TNKS: variants seen among roughly 807,000 people sequenced by gnomAD.
TNKS encodes the protein tankyrase, also known as poly [ADP-ribose] polymerase tankyrase-1.
TNKS carries 72 observed loss-of-function variants against 135.8 expected under a neutral mutation model. That is an observed-to-expected ratio of 0.53 (90% CI 0.44 to 0.64). The LOEUF is 0.64. Ranked by LOEUF, TNKS falls within the 30% of genes least tolerant of loss-of-function variation. The probability of loss-of-function intolerance (pLI) is 0.00; values close to 1 mark genes in which losing one functional copy is unlikely to be tolerated. For missense variants in TNKS, 1,769 were observed against 1,674.0 expected (o/e 1.06, Z -0.99); for synonymous variants, 849 against 649.3 (o/e 1.31, Z -4.68).
intron 1 of TNKS, among the ~76,000 whole-genome samples, chr8:9,574,052 A>G (rs1797855028): frequency 1.3e-5 from 2 of 152,214 alleles, no homozygotes; most frequent in African/African-American, 2.4e-5. Context: ...ACTCTTTGCT[A>G]TTAGAATAAG....
intron 3 of TNKS, among the ~76,000 whole-genome samples, chr8:9,669,424 CAAAA>C (rs536063027): frequency 4.2e-5 from 4 of 94,868 alleles, no homozygotes; most frequent in Non-Finnish European, 4.3e-5. Context: ...GACTCCGCCT[CAAAA>C]AAAAAAAAAA....
rs1807738055 is a variant in TNKS, at chr8:9,770,176, G to GCGC, written c.3813_3815dup (p.Pro1273dup). On this transcript the variant is annotated inframe_insertion, in exon 26 of 27. Transcript: ENST00000310430. The stretch of plus-strand genomic sequence containing the variant: ...GTTTAGCACCATGAAAATGGCCCAC[G>GCGC]CGCCTCCAGGGCACCACTCAGTCAT... 2 of 1,613,234 alleles carry GCGC rather than the reference G, an allele frequency of 1.2e-6. No homozygotes were observed.
chr8:9,582,879 A>G (rs1019242150), intron 2 of TNKS, among the ~76,000 whole-genome samples: 1 of 152,134 alleles, frequency 6.6e-6, no homozygotes, highest in African/African-American at 2.4e-5. Context: ...AAAAATGTCC[A>G]TTTAGGGGCA....
intron 1 of TNKS, among the ~76,000 whole-genome samples, chr8:9,576,854 C>T (rs1381393676): frequency 1.3e-5 from 2 of 152,060 alleles, no homozygotes; most frequent in East Asian, 3.9e-4. Context: ...ATTCTAATCA[C>T]ATAGAATATG....
chr8:9,768,603 C>T (rs748213429), intron 25 of TNKS, among the ~76,000 whole-genome samples: 4 of 152,236 alleles, frequency 2.6e-5, no homozygotes, highest in Non-Finnish European at 5.9e-5. Context: ...GCTGGCTGAG[C>T]AGGTCCCACG....
intron 11 of TNKS, among the ~76,000 whole-genome samples, chr8:9,715,871 A>C (rs1214178981): frequency 6.6e-6 from 1 of 152,104 alleles, no homozygotes; most frequent in Admixed American, 6.6e-5. Context: ...AGACATGAAG[A>C]CTTTATCCTT....
intron 17 of TNKS, among the ~76,000 whole-genome samples, chr8:9,747,266 C>T (rs897000595): frequency 7.0e-6 from 1 of 142,666 alleles, no homozygotes; most frequent in Admixed American, 7.0e-5. Context: ...CCTTCCCCCC[C>T]TCAAAAAAAT....
Position 9,606,213 on chromosome 8 carries a change from G to A in TNKS, c.899-9369G>A, listed in dbSNP as rs181468403. ...TTGTTTCAGCATGATTTGTTGAATAGGCTATTTTTCCACCGTTGAATTACT... is the reference window on the plus strand; with the variant it reads ...TTGTTTCAGCATGATTTGTTGAATAAGCTATTTTTCCACCGTTGAATTACT... On this transcript the variant is annotated intron_variant, in intron 2 of 26. Transcript: ENST00000310430. 3.7e-3 allele frequency among the ~76,000 whole-genome samples: 540 copies of A among 146,878 alleles called. 3 individuals carry two copies. The highest frequency in any genetic ancestry group is 8.8e-3 in the Admixed American group (129 of 14,698).
At chr8:9,735,590 G>C in intron 17 of TNKS, 104 bp downstream of exon 17, 1 of 844,760 alleles carries the variant, frequency 1.2e-6, no homozygotes, top group Non-Finnish European at 2.0e-6. Context: ...CACGAGGTCA[G>C]GAGGTCGAGA....
At chr8:9,756,551 A>T (rs1157344399) in intron 20 of TNKS, among the ~76,000 whole-genome samples, 1 of 152,118 alleles carries the variant, frequency 6.6e-6, no homozygotes, top group Non-Finnish European at 1.5e-5. Flanking sequence ...AGTTAATTTA[A>T]ATATGATTTT....
chr8:9,556,076 C>T lies in TNKS; in HGVS notation c.137C>T (p.Ala46Val). 1.2e-6 allele frequency: 2 copies of T among 1,606,348 alleles called. No homozygotes were observed. The highest frequency in any genetic ancestry group is 1.7e-6 in the Non-Finnish European group (2 of 1,177,064). The change falls in exon 1 of 27, where the codon GCC (alanine) becomes GTC (valine). Residue 46 changes from alanine to valine, a missense_variant. Coordinates refer to ENST00000310430, the MANE Select transcript of TNKS (RefSeq NM_003747.3). ...GGCCTGGCCCCGGGGACCACCCCAG[C>T]CTCTCCCACGGCCAGCGGCCTGGCC... ...SPGLAPGTTP[A>V]SPTASGLAPF...
intron 3 of TNKS, among the ~76,000 whole-genome samples, chr8:9,678,389 T>G (rs562914024): frequency 1.3e-5 from 2 of 152,162 alleles, no homozygotes; most frequent in Non-Finnish European, 2.9e-5. Flanking sequence ...GAGGATATAA[T>G]GAAATGACCT....
intron 5 of TNKS, among the ~76,000 whole-genome samples, chr8:9,693,098 A>T (rs951619782): frequency 6.6e-6 from 1 of 152,218 alleles, no homozygotes; most frequent in African/African-American, 2.4e-5. Flanking sequence ...TGGCTAATGT[A>T]ATATTTTATT....
Position 9,660,798 on chromosome 8 carries a change from T to C in TNKS, c.995-19153T>C, listed in dbSNP as rs577062748. Among the ~76,000 whole-genome samples the C allele has an allele frequency of 1.9e-4, 29 of 152,274 alleles. No homozygotes were observed. In the East Asian group the frequency reaches 5.6e-3, roughly 29 times the overall value. On this transcript the variant is annotated intron_variant, in intron 3 of 26. Coordinates refer to ENST00000310430, the MANE Select transcript of TNKS (RefSeq NM_003747.3). Reference sequence around the variant, plus strand: ...GTTAGGAAAAGAGGAAGTCAGATTGTCCCTGTTTGCAGATGACATGATTGT... The same window carrying C: ...GTTAGGAAAAGAGGAAGTCAGATTGCCCCTGTTTGCAGATGACATGATTGT...
intron 3 of TNKS, among the ~76,000 whole-genome samples, chr8:9,678,020 T>A (rs1385030915): frequency 6.6e-6 from 1 of 152,194 alleles, no homozygotes; most frequent in Non-Finnish European, 1.5e-5. Flanking sequence ...CCATTTACAC[T>A]GGCTGGTAAG....
chr8:9,742,691 C>G (rs915525366), intron 17 of TNKS, among the ~76,000 whole-genome samples: 18 of 148,288 alleles, frequency 1.2e-4, no homozygotes, highest in African/African-American at 3.9e-4. Context: ...GACCCTATCT[C>G]TATATAATTA....
At chr8:9,723,600 C>G (rs565134886) in intron 12 of TNKS, among the ~76,000 whole-genome samples, 1 of 152,290 alleles carries the variant, frequency 6.6e-6, no homozygotes, top group African/African-American at 2.4e-5. Flanking sequence ...AACATTATTT[C>G]CAAAGATTTG....
chr8:9,629,918 G>T (rs1266444751), intron 3 of TNKS, among the ~76,000 whole-genome samples: 1 of 152,132 alleles, frequency 6.6e-6, no homozygotes, highest in Non-Finnish European at 1.5e-5. Context: ...TCCTGACCTT[G>T]TGATCCGCCC....
intron 2 of TNKS, among the ~76,000 whole-genome samples, chr8:9,610,266 T>A (rs1226912188): frequency 6.6e-6 from 1 of 151,122 alleles, no homozygotes; most frequent in Non-Finnish European, 1.5e-5. Flanking sequence ...GTATTTTGGA[T>A]GAAAAGATAA....
Sources: gnomAD v4.1 joint callset for allele counts (sites outside exome capture counted in the v4.1 genomes callset) on GRCh38, gnomAD v4.1.1 for gene constraint, MANE v1.5 for transcripts, NCBI Gene and HGNC (gene_info 2026-07-23, HGNC 2026-07-21) for gene names.